The following WFIKKN2 variants were observed in gnomAD, a reference collection of about 807,000 sequenced individuals.
The protein encoded by WFIKKN2 is WAP, Kazal, immunoglobulin, Kunitz and NTR domain-containing protein 2.
WFIKKN2 carries 25 observed loss-of-function variants against 39.2 expected under a neutral mutation model. The observed-to-expected ratio is 0.64, with a 90% CI of 0.47 to 0.89. The LOEUF (loss-of-function observed/expected upper bound fraction) is 0.89. Ranked by LOEUF, WFIKKN2 falls within the 40% of genes least tolerant of loss-of-function variation. WFIKKN2 has a pLI of 0.00. For synonymous variants in WFIKKN2, 345 were observed against 329.7 expected, an observed-to-expected ratio of 1.05 and a Z score of -0.50; for missense variants, 770 against 811.7, an observed-to-expected ratio of 0.95 and a Z score of 0.62.
At position 50,836,038 on chromosome 17, in the gene WFIKKN2, C is replaced by A; in HGVS notation, c.101C>A (p.Ala34Glu). ...LLLGVPPRSL[A>E]LPPIRYSHAG... ...CTCGGGGTGCCCCCGCGAAGCCTGGCGCTGCCGCCCATCCGCTATTCCCAC... is the reference window on the plus strand; with the variant it reads ...CTCGGGGTGCCCCCGCGAAGCCTGGAGCTGCCGCCCATCCGCTATTCCCAC... Residue 34 changes from alanine (A) to glutamate (E), a missense_variant, in exon 1 of 2, where the codon GCG (alanine) becomes GAG (glutamate). By Grantham distance (107) the Ala-to-Glu change is moderately radical. Transcript: ENST00000311378. 6.2e-7 allele frequency: 1 copy of A among 1,601,190 alleles called. No homozygotes were observed. The highest frequency in any genetic ancestry group is 8.5e-7 in the Non-Finnish European group (1 of 1,174,352).
In WFIKKN2 at chr17:50,835,736, T is replaced by C. The variant is rs1971945105; in HGVS notation, c.-202T>C. The C allele has an allele frequency of 6.6e-6, 4 of 605,172 alleles. No individual in the cohort carries two copies. The highest frequency in any genetic ancestry group is 1.1e-5 in the Non-Finnish European group (4 of 350,508). 37.5% of individuals were successfully genotyped at this position (605,172 alleles called of 1,614,324 possible). A position where few individuals can be genotyped will look rare whatever the true frequency, so the allele number is the denominator to read the frequency against. On this transcript the variant is annotated 5_prime_UTR_variant, in exon 1 of 2. Transcript: ENST00000311378. ...GGGAGCTTCCTTCTAAAGACCTTTC[T>C]TTTATCTGAAGCCGCACAGCCCGGC...
chr17:50,838,358 T>C (rs909456327), intron 1 of WFIKKN2, among the ~76,000 whole-genome samples: 22 of 152,288 alleles, frequency 1.4e-4, no homozygotes, highest in African/African-American at 5.3e-4. Context: ...ATTTTCCCCC[T>C]CTTAGCTGAT....
rs761597315 is a variant in WFIKKN2, at chr17:50,835,972, G to A, written c.35G>A (p.Arg12His). Residue 12 changes from arginine (R) to histidine (H), a missense_variant, in exon 1 of 2, where the codon CGC becomes CAC. Coordinates refer to ENST00000311378, the MANE Select transcript of WFIKKN2 (RefSeq NM_175575.6). Reference protein sequence around the residue: ...WAPRCRRFWSRWEQVAALLLL... With the variant: ...WAPRCRRFWSHWEQVAALLLL... ...CCAAGGTGTCGCCGGTTCTGGTCTCGCTGGGAGCAGGTGGCAGCGCTGCTG... is the reference window on the plus strand; with the variant it reads ...CCAAGGTGTCGCCGGTTCTGGTCTCACTGGGAGCAGGTGGCAGCGCTGCTG... 20 of 1,609,582 alleles carry A rather than the reference G, an allele frequency of 1.2e-5. No individual in the cohort carries two copies. In the South Asian group the frequency reaches 1.4e-4, roughly 12 times the overall value.
chr17:50,839,423 C>T (rs1322273868), intron 1 of WFIKKN2, 76 bp from the exon 2 acceptor site: 10 of 1,418,028 alleles, frequency 7.1e-6, no homozygotes, highest in African/African-American at 1.4e-5. Context: ...CTCCTCCCCA[C>T]AAACCATGGG....
At chr17:50,837,575 C>T (rs1971975345) in intron 1 of WFIKKN2, among the ~76,000 whole-genome samples, 1 of 152,208 alleles carries the variant, frequency 6.6e-6, no homozygotes, top group African/African-American at 2.4e-5. Flanking sequence ...ACGGAGTCTC[C>T]CAAGGCTCCA....
chr17:50,835,591 C>T lies in WFIKKN2; in HGVS notation c.-347C>T. 6.1e-6 allele frequency: 2 copies of T among 326,942 alleles called. No individual in the cohort carries two copies. Among genetic ancestry groups the T allele is most frequent in the Non-Finnish European group, 1.1e-5 (2 of 180,182 alleles). The allele number at this position is 326,942 out of a possible 1,614,324, so 20.3% of individuals were successfully genotyped here. A position where few individuals can be genotyped will look rare whatever the true frequency, so the allele number is the denominator to read the frequency against. On this transcript the variant is annotated 5_prime_UTR_variant, in exon 1 of 2. Transcript: ENST00000311378. ...TCTGTGATCAGCCACGGGACAGAGG[C>T]GCCAGCAGCCTGCCTGTGACAGGCA...
chr17:50,839,708 G>A lies in WFIKKN2; in HGVS notation c.420G>A (p.Lys140=). 1 of 1,614,240 alleles carries A rather than the reference G, an allele frequency of 6.2e-7. No homozygotes were observed. The highest frequency in any genetic ancestry group is 8.5e-7 in the Non-Finnish European group (1 of 1,180,050). The change falls in exon 2 of 2, where the codon AAG becomes AAA. Residue 140 remains lysine, a synonymous_variant. Transcript: ENST00000311378. ...PVCKCKDRCE[K]EPSFTCASDG... ...GTAAGTGCAAAGACCGCTGTGAGAA[G>A]GAGCCCAGCTTTACCTGCGCCTCGG...
chr17:50,836,033 C>T lies in WFIKKN2; in HGVS notation c.96C>T (p.Ser32=). The change falls in exon 1 of 2, where the codon AGC becomes AGT. Residue 32 remains serine (S), a synonymous_variant. Transcript: ENST00000311378. ...TACTGCTCGGGGTGCCCCCGCGAAG[C>T]CTGGCGCTGCCGCCCATCCGCTATT... is the stretch of plus-strand genomic sequence containing the variant. ...LLLLLGVPPR[S]LALPPIRYSH... The T allele has an allele frequency of 6.2e-7, 1 of 1,601,210 alleles. No individual in the cohort carries two copies. Among genetic ancestry groups the T allele is most frequent in the Non-Finnish European group, 8.5e-7 (1 of 1,174,376 alleles).
rs769075599 is a variant in WFIKKN2, at chr17:50,839,839, C to G, written c.551C>G (p.Thr184Ser). The G allele has an allele frequency of 6.2e-7, 1 of 1,614,084 alleles. No homozygotes were observed. Among genetic ancestry groups the G allele is most frequent in the African/African-American group, 1.3e-5 (1 of 74,948 alleles). The change falls in exon 2 of 2, where the codon ACC (threonine) becomes AGC (serine). Residue 184 changes from threonine to serine, a missense_variant. Physicochemically the swap from Thr to Ser is moderately conservative, Grantham distance 58 (BLOSUM62 1). Coordinates refer to ENST00000311378, the MANE Select transcript of WFIKKN2 (RefSeq NM_175575.6). ...TCRYHFTWPN[T>S]SPPPPETTMH... ...CGCTATCACTTCACCTGGCCCAACA[C>G]CAGCCCCCCACCACCTGAGACCACC...
At chr17:50,837,799 C>T (rs941965306) in intron 1 of WFIKKN2, among the ~76,000 whole-genome samples, 1 of 152,224 alleles carries the variant, frequency 6.6e-6, no homozygotes, top group Non-Finnish European at 1.5e-5. Flanking sequence ...GGAGTGGTGG[C>T]TGCTCCCATC....
Position 50,839,852 on chromosome 17 carries a change from A to G in WFIKKN2, c.564A>G (p.Pro188=), listed in dbSNP as rs1381945137. The change falls in exon 2 of 2, where the codon CCA becomes CCG. Residue 188 remains proline, a synonymous_variant. Coordinates refer to ENST00000311378, the MANE Select transcript of WFIKKN2 (RefSeq NM_175575.6). ...CCTGGCCCAACACCAGCCCCCCACC[A>G]CCTGAGACCACCATGCACCCCACCA... ...HFTWPNTSPP[P]PETTMHPTTA... is the part of the protein sequence containing the mutation. 1 of 1,613,668 alleles carries G rather than the reference A, an allele frequency of 6.2e-7. No individual in the cohort carries two copies. The highest frequency in any genetic ancestry group is 1.7e-5 in the Admixed American group (1 of 59,988).
At position 50,839,659 on chromosome 17, in the gene WFIKKN2, A is replaced by C. The variant is rs1037925951; in HGVS notation, c.371A>C (p.Asp124Ala). The change falls in exon 2 of 2, where the codon GAC (aspartate) becomes GCC (alanine). Residue 124 changes from aspartate to alanine, a missense_variant. By Grantham distance (126) the Asp-to-Ala change is moderately radical. Transcript: ENST00000311378. ...FMCLQQGSEC[D>A]IWDGQPVCKC... ...TGTCTGCAGCAGGGCTCTGAGTGTG[A>C]CATCTGGGATGGCCAGCCCGTGTGT... is the stretch of plus-strand genomic sequence containing the variant. The C allele has an allele frequency of 6.2e-7, 1 of 1,614,242 alleles. No individual in the cohort carries two copies. The highest frequency in any genetic ancestry group is 8.5e-7 in the Non-Finnish European group (1 of 1,180,036).
chr17:50,837,702 G>A (rs1205743775), intron 1 of WFIKKN2, among the ~76,000 whole-genome samples: 1 of 152,234 alleles, frequency 6.6e-6, no homozygotes, highest in African/African-American at 2.4e-5. Context: ...ACCTCACAGT[G>A]CCCAGGGACA....
At chr17:50,839,150 TTTCCTC>T (rs58838906) in intron 1 of WFIKKN2, among the ~76,000 whole-genome samples, 79,451 of 151,298 alleles carry the variant, frequency 0.53, 23,440 homozygotes, top group Non-Finnish European at 0.68. Flanking sequence ...TAGGAAAACT[TTTCCTC>T]TTAGAGTCTT....
upstream of WFIKKN2, chr17:50,835,545 TTTC>T (rs1302058335): frequency 4.4e-5 from 9 of 204,244 alleles, no homozygotes; most frequent in South Asian, 1.7e-4. Context: ...TTTTTTTTTT[TTTC>T]CCCCCTTCTG....
chr17:50,839,914 C>T lies in WFIKKN2; in HGVS notation c.626C>T (p.Ala209Val). 1.2e-6 allele frequency: 2 copies of T among 1,614,172 alleles called. No individual in the cohort carries two copies. Among genetic ancestry groups the T allele is most frequent in the Non-Finnish European group, 1.7e-6 (2 of 1,180,034 alleles). Residue 209 changes from alanine (A) to valine (V), a missense_variant, in exon 2 of 2, where the codon GCC becomes GTC. Coordinates refer to ENST00000311378, the MANE Select transcript of WFIKKN2 (RefSeq NM_175575.6). ...SPETPELDMA[A>V]PALLNNPVHQ... ...GAGACCCCTGAGCTGGACATGGCGGCCCCTGCGCTGCTCAACAACCCTGTG... is the reference window on the plus strand; with the variant it reads ...GAGACCCCTGAGCTGGACATGGCGGTCCCTGCGCTGCTCAACAACCCTGTG...
At position 50,840,077 on chromosome 17, in the gene WFIKKN2, C is replaced by T. The variant is rs772880320; in HGVS notation, c.789C>T (p.Asn263=). 3.2e-5 allele frequency: 51 copies of T among 1,614,118 alleles called. No homozygotes were observed. In the South Asian group the frequency reaches 3.7e-4, roughly 12 times the overall value. The change falls in exon 2 of 2, where the codon AAC becomes AAT. Residue 263 remains asparagine, a synonymous_variant. Transcript: ENST00000311378. The part of the protein sequence containing the change: ...VVMRPNHVRG[N]VVVTNIAQLV... ...TGCGGCCCAACCATGTGCGTGGCAA[C>T]GTGGTGGTCACCAACATTGCCCAGC...
rs58588562 is a variant in WFIKKN2 at position 50,841,416 on chromosome 17, G to T, written c.*397G>T. ...GTCACAGGAAGTGTTGAATGGATTGGCTTGCAAAGGGGGTAGGTGGGGAGA... is the reference window on the plus strand; with the variant it reads ...GTCACAGGAAGTGTTGAATGGATTGTCTTGCAAAGGGGGTAGGTGGGGAGA... On this transcript the variant is annotated 3_prime_UTR_variant, in exon 2 of 2. Transcript: ENST00000311378. 960 of 167,272 alleles carry T rather than the reference G, an allele frequency of 5.7e-3. 7 individuals are homozygous for T. The highest frequency in any genetic ancestry group is 0.02 in the African/African-American group (835 of 41,996). 10.4% of individuals were successfully genotyped at this position (167,272 alleles called of 1,614,324 possible).
chr17:50,840,518 G>A lies in WFIKKN2; in HGVS notation c.1230G>A (p.Gln410=). ...GGGCTTACAACAGCCAGACGGGCCA[G>A]TGCCAGTCCTTTGTCTATGGTGGCT... ...PRWAYNSQTG[Q]CQSFVYGGCE... is the part of the protein sequence containing the mutation. The change falls in exon 2 of 2, where the codon CAG becomes CAA. Residue 410 remains glutamine, a synonymous_variant. Coordinates refer to ENST00000311378, the MANE Select transcript of WFIKKN2 (RefSeq NM_175575.6). 2 of 1,614,044 alleles carry A rather than the reference G, an allele frequency of 1.2e-6. No individual in the cohort carries two copies. The highest frequency in any genetic ancestry group is 1.7e-6 in the Non-Finnish European group (2 of 1,179,968).
Sources: gnomAD v4.1 joint callset for allele counts (sites outside exome capture counted in the v4.1 genomes callset) on GRCh38, gnomAD v4.1.1 for gene constraint, MANE v1.5 for transcripts, NCBI Gene and HGNC (gene_info 2026-07-23, HGNC 2026-07-21) for gene names.